The following HIP1 variants were observed in gnomAD, a reference collection of about 807,000 sequenced individuals.
The protein encoded by HIP1 is huntingtin-interacting protein 1.
In HIP1, 65 loss-of-function variants were observed where a neutral mutation model predicts 147.6. The ratio of observed to expected loss-of-function variants is 0.44; its 90% CI spans 0.36 to 0.54. The LOEUF (loss-of-function observed/expected upper bound fraction) is 0.54. Among genes scored for constraint, HIP1 ranks in the 20% least tolerant of loss-of-function variants. The pLI is 0.00. For synonymous variants in HIP1, 479 were observed against 504.0 expected, an observed-to-expected ratio of 0.95 and a Z score of 0.67; for missense variants, 1,061 against 1,299.6, an observed-to-expected ratio of 0.82 and a Z score of 2.82.
chr7:75,713,326 G>A (rs1325882647), intron 1 of HIP1, among the ~76,000 whole-genome samples: 1 of 152,176 alleles, frequency 6.6e-6, no homozygotes, highest in Non-Finnish European at 1.5e-5. Flanking sequence ...AGTTCCCAGG[G>A]TCTCCACAAA....
chr7:75,542,849 A>G lies in HIP1; in HGVS notation c.2890+2T>C. On this transcript the variant is annotated splice_donor_variant, in intron 28 of 30. Coordinates refer to ENST00000336926, the MANE Select transcript of HIP1 (RefSeq NM_005338.7). LOFTEE classifies it high-confidence loss of function. ...AGAAAAGGGTCCCTTTGGAAAGGCT[A>G]CCTGTCTCTTCGATCTGTGATTTGC... is the stretch of plus-strand genomic sequence containing the variant. 6.2e-7 allele frequency: 1 copy of G among 1,614,012 alleles called. No homozygotes were observed. Among genetic ancestry groups the G allele is most frequent in the Non-Finnish European group, 8.5e-7 (1 of 1,179,954 alleles).
At chr7:75,540,577 C>T (rs1794268022) in intron 29 of HIP1, among the ~76,000 whole-genome samples, 1 of 151,966 alleles carries the variant, frequency 6.6e-6, no homozygotes, top group Non-Finnish European at 1.5e-5. Context: ...CACCAATGCA[C>T]TCCAGCCTGG....
At chr7:75,604,149 A>T (rs137996403) in intron 1 of HIP1, among the ~76,000 whole-genome samples, 113 of 152,286 alleles carry the variant, frequency 7.4e-4, no homozygotes, top group African/African-American at 2.5e-3. Context: ...CACCATGACA[A>T]TGGCAAAATT....
chr7:75,705,944 T>A (rs1402546406), intron 1 of HIP1, among the ~76,000 whole-genome samples: 2 of 152,018 alleles, frequency 1.3e-5, no homozygotes, highest in Non-Finnish European at 2.9e-5. Context: ...TAGGCAGGAG[T>A]GCAGTGGCGC....
At chr7:75,556,923 G>A in intron 16 of HIP1, 112 bp from the exon 17 acceptor site, 1 of 669,686 alleles carries the variant, frequency 1.5e-6, no homozygotes. Context: ...TCTACTGTAT[G>A]TAAGTTACAC....
intron 1 of HIP1, among the ~76,000 whole-genome samples, chr7:75,667,325 T>C (rs1799592263): frequency 6.6e-6 from 1 of 152,198 alleles, no homozygotes; most frequent in Non-Finnish European, 1.5e-5. Context: ...GGATTCAGGC[T>C]TCTTAGAAAA....
At chr7:75,700,624 C>T (rs782774592) in intron 1 of HIP1, among the ~76,000 whole-genome samples, 1 of 152,006 alleles carries the variant, frequency 6.6e-6, no homozygotes, top group African/African-American at 2.4e-5. Flanking sequence ...AACACAGCCA[C>T]GGCAGAGACA....
At chr7:75,694,544 T>C (rs1584956912) in intron 1 of HIP1, among the ~76,000 whole-genome samples, 1 of 145,770 alleles carries the variant, frequency 6.9e-6, no homozygotes, top group Admixed American at 7.0e-5. Flanking sequence ...AGGGTCTCAC[T>C]CTGTCTCCCA....
chr7:75,685,250 CA>C (rs35925635), intron 1 of HIP1, among the ~76,000 whole-genome samples: 10 of 151,316 alleles, frequency 6.6e-5, no homozygotes, highest in Non-Finnish European at 1.0e-4. Flanking sequence ...CCGTTTCTAC[CA>C]AAAAAAACCC....
chr7:75,602,810 C>CT (rs1797057584), intron 1 of HIP1, among the ~76,000 whole-genome samples: 1 of 148,894 alleles, frequency 6.7e-6, no homozygotes, highest in African/African-American at 2.5e-5. Flanking sequence ...CAACCCCCCC[C>CT]ACCCCGTACC....
In HIP1 at chr7:75,547,527, C is replaced by G. The variant is rs587739383; in HGVS notation, c.2465+228G>C. Among the ~76,000 whole-genome samples the G allele has an allele frequency of 1.4e-3, 219 of 152,282 alleles. 2 individuals carry two copies. The highest frequency in any genetic ancestry group is 4.8e-3 in the African/African-American group (199 of 41,576). ...AGGTGATCCTCCCTCCTCAGCCTCC[C>G]AAAGTGCTGGGATTACAGGCGGGAG... is the stretch of plus-strand genomic sequence containing the variant. On this transcript the variant is annotated intron_variant, in intron 24 of 30. Transcript: ENST00000336926.
intron 7 of HIP1, among the ~76,000 whole-genome samples, chr7:75,577,481 C>T (rs1412743151): frequency 6.6e-6 from 1 of 152,092 alleles, no homozygotes; most frequent in Non-Finnish European, 1.5e-5. Context: ...CCAGAGCTAC[C>T]CGACTATAAC....
intron 9 of HIP1, 57 bp from the exon 10 acceptor site, chr7:75,563,320 G>A (rs1345644767): frequency 6.5e-7 from 1 of 1,531,624 alleles, no homozygotes; most frequent in Non-Finnish European, 9.0e-7. Context: ...CCCATGTAGG[G>A]GACAGAGCAG....
chr7:75,688,657 C>T (rs1800346956), intron 1 of HIP1, among the ~76,000 whole-genome samples: 1 of 152,166 alleles, frequency 6.6e-6, no homozygotes, highest in African/African-American at 2.4e-5. Flanking sequence ...TCCTCCCTCC[C>T]TCGGTGGCCT....
intron 1 of HIP1, among the ~76,000 whole-genome samples, chr7:75,697,614 A>G (rs782812265): frequency 6.6e-6 from 1 of 152,256 alleles, no homozygotes; most frequent in East Asian, 1.9e-4. Context: ...GGAGTTCGAG[A>G]TCAGCCTGGC....
chr7:75,614,078 C>A (rs1165477846), intron 1 of HIP1, among the ~76,000 whole-genome samples: 2 of 152,210 alleles, frequency 1.3e-5, no homozygotes, highest in Admixed American at 6.5e-5. Context: ...CCACACCTGG[C>A]TAATTTTTAA....
At chr7:75,685,278 A>G (rs1030530933) in intron 1 of HIP1, among the ~76,000 whole-genome samples, 5 of 152,056 alleles carry the variant, frequency 3.3e-5, no homozygotes, top group Non-Finnish European at 7.4e-5. Flanking sequence ...CCAAACTTCT[A>G]TTTCCAAATT....
rs781984225 is a variant in HIP1, at chr7:75,586,724, T to C, written c.465+29A>G. The C allele has an allele frequency of 2.6e-5, 38 of 1,462,474 alleles. No homozygotes were observed. In the Admixed American group the frequency reaches 6.2e-4, roughly 24 times the overall value. 90.6% of individuals were successfully genotyped at this position (1,462,474 alleles called of 1,614,324 possible). A position where few individuals can be genotyped will look rare whatever the true frequency, so the allele number is the denominator to read the frequency against. The stretch of plus-strand genomic sequence containing the variant: ...AGGGATGGAGCAGGGGAGGCGGCGG[T>C]GGCGGCAGAACTGTCCGCAGAGACT... On this transcript the variant is annotated intron_variant, in intron 5 of 30. Coordinates refer to ENST00000336926, the MANE Select transcript of HIP1 (RefSeq NM_005338.7).
chr7:75,735,502 A>C (rs1242348642), intron 1 of HIP1, among the ~76,000 whole-genome samples: 2 of 152,084 alleles, frequency 1.3e-5, no homozygotes, highest in Non-Finnish European at 2.9e-5. Flanking sequence ...TGGTCTCCTA[A>C]CTCATTAAAT....
Sources: gnomAD v4.1 joint callset for allele counts (sites outside exome capture counted in the v4.1 genomes callset) on GRCh38, gnomAD v4.1.1 for gene constraint, MANE v1.5 for transcripts, NCBI Gene and HGNC (gene_info 2026-07-23, HGNC 2026-07-21) for gene names.